ZMAT4: variants seen among roughly 807,000 people sequenced by gnomAD.
ZMAT4 encodes zinc finger matrin-type protein 4.
Under a neutral mutation model 28.7 loss-of-function variants are expected in ZMAT4, and 17 were observed. The observed-to-expected ratio is 0.59, with a 90% CI of 0.41 to 0.89. The LOEUF (loss-of-function observed/expected upper bound fraction) is 0.89, where lower values mean the gene tolerates loss of function less well. ZMAT4 is among the 40% of genes least tolerant of loss of function. The pLI, the probability that ZMAT4 is intolerant of heterozygous loss-of-function variation, is 0.00. For missense variants in ZMAT4, 240 were observed against 283.8 expected, an observed-to-expected ratio of 0.85 and a Z score of 1.11; for synonymous variants, 117 against 109.2, an observed-to-expected ratio of 1.07 and a Z score of -0.44.
intron 3 of ZMAT4, among the ~76,000 whole-genome samples, chr8:40,739,792 C>T (rs1198889713): frequency 6.6e-6 from 1 of 152,116 alleles, no homozygotes; most frequent in Non-Finnish European, 1.5e-5. Context: ...GCTCTCCCTC[C>T]CTTTGCCTCC....
At chr8:40,831,159 A>G (rs192427361) in intron 1 of ZMAT4, among the ~76,000 whole-genome samples, 2 of 152,214 alleles carry the variant, frequency 1.3e-5, no homozygotes, top group South Asian at 4.1e-4. Flanking sequence ...TCTCTTTTGT[A>G]TCAACAATAC....
At chr8:40,808,224 C>T (rs1478558225) in intron 2 of ZMAT4, among the ~76,000 whole-genome samples, 1 of 151,480 alleles carries the variant, frequency 6.6e-6, no homozygotes, top group East Asian at 1.9e-4. Flanking sequence ...AAAGGATACA[C>T]TATAATACTT....
At chr8:40,782,335 G>A (rs549096128) in intron 2 of ZMAT4, among the ~76,000 whole-genome samples, 5 of 152,190 alleles carry the variant, frequency 3.3e-5, no homozygotes, top group South Asian at 4.1e-4. Context: ...GCAGTGAGCC[G>A]AGATCATGCC....
chr8:40,572,338 A>G (rs1804125567), intron 6 of ZMAT4, among the ~76,000 whole-genome samples: 1 of 152,216 alleles, frequency 6.6e-6, no homozygotes. Context: ...AGTTAGAAAA[A>G]AACCTCAGAG....
chr8:40,583,556 T>C (rs998947029), intron 5 of ZMAT4, among the ~76,000 whole-genome samples: 1 of 152,138 alleles, frequency 6.6e-6, no homozygotes, highest in Non-Finnish European at 1.5e-5. Flanking sequence ...GTCATGAAAT[T>C]GTAAACCAAA....
At chr8:40,722,992 C>T (rs1278729121) in intron 3 of ZMAT4, among the ~76,000 whole-genome samples, 1 of 152,132 alleles carries the variant, frequency 6.6e-6, no homozygotes, top group East Asian at 1.9e-4. Context: ...CCATTTCTTC[C>T]CACCCCATTG....
At chr8:40,799,960 G>GA (rs771520132) in intron 2 of ZMAT4, among the ~76,000 whole-genome samples, 6 of 152,048 alleles carry the variant, frequency 3.9e-5, no homozygotes, top group Non-Finnish European at 7.4e-5. Flanking sequence ...ATAAAGGAGA[G>GA]AAAATGGAAT....
intron 5 of ZMAT4, among the ~76,000 whole-genome samples, chr8:40,662,641 G>A (rs774946320): frequency 7.9e-5 from 12 of 152,118 alleles, no homozygotes; most frequent in Admixed American, 1.3e-4. Context: ...GCTGAAGGAA[G>A]AATGCCCCTA....
intron 1 of ZMAT4, among the ~76,000 whole-genome samples, chr8:40,850,198 C>T (rs1208778071): frequency 6.6e-6 from 1 of 152,076 alleles, no homozygotes; most frequent in East Asian, 1.9e-4. Context: ...CCCGGCCCTC[C>T]CTTGCTTCAA....
In ZMAT4 at chr8:40,733,904, C is replaced by G. The variant is rs117948433; in HGVS notation, c.192+33737G>C. Among the ~76,000 whole-genome samples the G allele has an allele frequency of 1.1e-3, 171 of 152,192 alleles. 2 individuals carry two copies. The East Asian group carries it at 0.032, about 29-fold the overall frequency. On this transcript the variant is annotated intron_variant, in intron 3 of 6. Transcript: ENST00000297737. The stretch of plus-strand genomic sequence containing the variant: ...ATCCTTGCCCTGAAGGTGCTGACAC[C>G]TTGGAGGTAGATATTAATAATTAGC...
chr8:40,642,095 T>C (rs147984308), intron 5 of ZMAT4, among the ~76,000 whole-genome samples: 20 of 152,294 alleles, frequency 1.3e-4, no homozygotes, highest in African/African-American at 4.3e-4. Flanking sequence ...AAATACAGGA[T>C]GCTCAATTAA....
intron 5 of ZMAT4, among the ~76,000 whole-genome samples, chr8:40,663,710 A>G (rs568814543): frequency 1.3e-5 from 2 of 152,338 alleles, no homozygotes; most frequent in South Asian, 4.1e-4. Context: ...ATTAAAAATA[A>G]TAATGCAAAA....
At chr8:40,553,406 T>C (rs1185187395) in intron 6 of ZMAT4, among the ~76,000 whole-genome samples, 2 of 152,196 alleles carry the variant, frequency 1.3e-5, no homozygotes, top group Non-Finnish European at 2.9e-5. Context: ...TTGAAGTTCA[T>C]TAAAAGTAGA....
chr8:40,796,691 T>C (rs1308160992), intron 2 of ZMAT4, among the ~76,000 whole-genome samples: 5 of 152,170 alleles, frequency 3.3e-5, no homozygotes, highest in African/African-American at 1.2e-4. Flanking sequence ...ACTGGAGAGG[T>C]GAAGGTGCCT....
intron 1 of ZMAT4, among the ~76,000 whole-genome samples, chr8:40,876,862 G>A (rs981538349): frequency 6.6e-5 from 10 of 152,250 alleles, no homozygotes; most frequent in South Asian, 2.1e-4. Context: ...ACTGTATTAC[G>A]AATCTGGCAG....
At chr8:40,615,742 A>G (rs1029132821) in intron 5 of ZMAT4, among the ~76,000 whole-genome samples, 1 of 152,156 alleles carries the variant, frequency 6.6e-6, no homozygotes, top group African/African-American at 2.4e-5. Flanking sequence ...TTGTGCATTC[A>G]TCAAGTAGTT....
chr8:40,751,079 A>T (rs2150546275), intron 3 of ZMAT4, among the ~76,000 whole-genome samples: 1 of 152,266 alleles, frequency 6.6e-6, no homozygotes, highest in Middle Eastern at 3.4e-3. Context: ...GCACAGCCAT[A>T]ATGTCTTCCA....
Position 40,539,955 on chromosome 8 carries a change from G to A in ZMAT4, c.675-7717C>T, listed in dbSNP as rs552040620. On this transcript the variant is annotated intron_variant, in intron 6 of 6. Coordinates refer to ENST00000297737, the MANE Select transcript of ZMAT4 (RefSeq NM_024645.3). ...ATAAACTGTGTGATCAGAGGGTTGA[G>A]GCCAAATAATAGTAGCCCAACCTTT... Among the ~76,000 whole-genome samples the A allele has an allele frequency of 2.0e-5, 3 of 152,296 alleles. No individual in the cohort carries two copies. The East Asian group carries it at 5.8e-4, about 29-fold the overall frequency.
At chr8:40,601,401 AAAGAAAGGAAGGAAGGAAGGAAGG>A (rs1401679281) in intron 5 of ZMAT4, among the ~76,000 whole-genome samples, 4 of 31,554 alleles carry the variant, frequency 1.3e-4, no homozygotes, top group African/African-American at 4.1e-4. Context: ...AGGAAGGAGG[AAAGAAAGGAAGGAAGGAAGGAAGG>A]AAGGAAGGAA....
Sources: gnomAD v4.1 joint callset for allele counts (sites outside exome capture counted in the v4.1 genomes callset) on GRCh38, gnomAD v4.1.1 for gene constraint, MANE v1.5 for transcripts, NCBI Gene and HGNC (gene_info 2026-07-23, HGNC 2026-07-21) for gene names.